Variants in ASTN2 observed in about 807,000 individuals in gnomAD.
ASTN2 encodes the protein astrotactin-2.
Under a neutral mutation model 139.8 loss-of-function variants are expected in ASTN2, and 54 were observed. The observed-to-expected ratio is 0.39, with a 90% CI of 0.31 to 0.48. The LOEUF (loss-of-function observed/expected upper bound fraction) is 0.48. Among genes scored for constraint, ASTN2 ranks in the 20% least tolerant of loss-of-function variants. ASTN2 has a pLI of 0.95. For missense variants in ASTN2, 1,565 were observed against 1,725.1 expected (o/e 0.91, Z 1.64); for synonymous variants, 756 against 719.5 (o/e 1.05, Z -0.81).
At chr9:116,740,461 T>C (rs923203832) in intron 13 of ASTN2, among the ~76,000 whole-genome samples, 3 of 152,164 alleles carry the variant, frequency 2.0e-5, no homozygotes, top group Non-Finnish European at 2.9e-5. Flanking sequence ...ATGGGGATAA[T>C]GAGTTCAGCT....
intron 1 of ASTN2, among the ~76,000 whole-genome samples, chr9:117,311,424 C>T (rs1397061010): frequency 7.2e-5 from 11 of 152,068 alleles, no homozygotes; most frequent in African/African-American, 2.7e-4. Flanking sequence ...AGGACCCAGC[C>T]CAAAGTGAAA....
chr9:117,412,817 G>A (rs1831205281), intron 1 of ASTN2, among the ~76,000 whole-genome samples: 1 of 152,188 alleles, frequency 6.6e-6, no homozygotes, highest in Non-Finnish European at 1.5e-5. Context: ...CTTCCCCACG[G>A]GGAGGTGGCA....
intron 19 of ASTN2, among the ~76,000 whole-genome samples, chr9:116,497,416 C>T (rs1445544729): frequency 6.6e-6 from 1 of 152,128 alleles, no homozygotes; most frequent in Non-Finnish European, 1.5e-5. Context: ...CAGCTCTGAC[C>T]CACAGGAACA....
intron 5 of ASTN2, among the ~76,000 whole-genome samples, chr9:117,056,691 C>G (rs1253267379): frequency 2.6e-5 from 4 of 152,206 alleles, no homozygotes; most frequent in African/African-American, 9.7e-5. Context: ...GCACCTCTCC[C>G]TGGAAGCCCC....
intron 2 of ASTN2, among the ~76,000 whole-genome samples, chr9:117,262,787 A>T (rs1833855242): frequency 6.6e-6 from 1 of 152,174 alleles, no homozygotes; most frequent in Non-Finnish European, 1.5e-5. Flanking sequence ...GAAGGACCTA[A>T]TGTAATCATA....
At chr9:117,006,126 G>A (rs1837347185) in intron 7 of ASTN2, among the ~76,000 whole-genome samples, 1 of 152,088 alleles carries the variant, frequency 6.6e-6, no homozygotes, top group African/African-American at 2.4e-5. Flanking sequence ...AGTATCCCAT[G>A]AAGGGCACAC....
At chr9:116,517,339 A>T (rs1049339640) in intron 19 of ASTN2, among the ~76,000 whole-genome samples, 1 of 151,964 alleles carries the variant, frequency 6.6e-6, no homozygotes, top group African/African-American at 2.4e-5. Flanking sequence ...ACATTACAGG[A>T]CTCTTTGCAG....
chr9:116,629,112 CTTTTTTTTTT>C (rs57200909), intron 17 of ASTN2, among the ~76,000 whole-genome samples: 3 of 100,510 alleles, frequency 3.0e-5, no homozygotes, highest in East Asian at 3.0e-4. Flanking sequence ...TCCAGTAACT[CTTTTTTTTTT>C]TTTTTTTTTT....
chr9:116,777,158 A>G (rs894660814), intron 13 of ASTN2, among the ~76,000 whole-genome samples: 7 of 152,146 alleles, frequency 4.6e-5, no homozygotes, highest in South Asian at 2.1e-4. Context: ...TACTGCTCCA[A>G]GGGTAAGGGC....
intron 10 of ASTN2, among the ~76,000 whole-genome samples, chr9:116,946,052 C>A (rs938934631): frequency 6.6e-6 from 1 of 152,168 alleles, no homozygotes; most frequent in Non-Finnish European, 1.5e-5. Flanking sequence ...GCCACACTTA[C>A]AAATAATCAG....
intron 18 of ASTN2, 34 bp from the exon 19 acceptor site, chr9:116,618,506 C>T: frequency 1.3e-6 from 2 of 1,578,844 alleles, no homozygotes; most frequent in Non-Finnish European, 1.7e-6. Flanking sequence ...TCGTGTTTGG[C>T]AGCCAGCACC....
At chr9:116,620,916 T>C (rs1374154281) in intron 17 of ASTN2, among the ~76,000 whole-genome samples, 3 of 152,220 alleles carry the variant, frequency 2.0e-5, no homozygotes, top group African/African-American at 4.8e-5. Context: ...CTGCCTTTTA[T>C]AGAAGTCTGA....
intron 1 of ASTN2, among the ~76,000 whole-genome samples, chr9:117,405,247 C>A (rs1830949425): frequency 6.6e-6 from 1 of 152,194 alleles, no homozygotes; most frequent in Admixed American, 6.5e-5. Context: ...TTCTATGCAG[C>A]ATGCAAGGCA....
At position 116,868,414 on chromosome 9, in the gene ASTN2, TG is replaced by T. The variant is rs561856533; in HGVS notation, c.1890-4682del. Among the ~76,000 whole-genome samples the T allele has an allele frequency of 9.2e-5, 14 of 152,234 alleles. No individual in the cohort carries two copies. The South Asian group carries it at 2.3e-3, about 25-fold the overall frequency. On this transcript the variant is annotated intron_variant, in intron 10 of 22. Transcript: ENST00000313400. Reference sequence around the variant, plus strand: ...AACTTTAACAACTTACCCTGTGTCTTGGGCAAGTCAGAGCCCTCCTAACAGT... The same window carrying T: ...AACTTTAACAACTTACCCTGTGTCTTGGCAAGTCAGAGCCCTCCTAACAGT...
chr9:117,214,822 C>A (rs778991282), intron 2 of ASTN2, 80 bp from the exon 3 acceptor site: 268 of 1,345,784 alleles, frequency 2.0e-4, no homozygotes, highest in Non-Finnish European at 2.4e-4. Flanking sequence ...CTGTCCACTA[C>A]ACTCTGCCAG....
chr9:117,338,173 T>G (rs1828947361), intron 1 of ASTN2, among the ~76,000 whole-genome samples: 1 of 152,220 alleles, frequency 6.6e-6, no homozygotes, highest in Non-Finnish European at 1.5e-5. Context: ...ATGCATCTAC[T>G]AGTCTTCTAT....
intron 10 of ASTN2, among the ~76,000 whole-genome samples, chr9:116,880,802 G>C (rs1564319992): frequency 6.6e-6 from 1 of 152,112 alleles, no homozygotes; most frequent in East Asian, 1.9e-4. Flanking sequence ...GGACTTACTA[G>C]GTTCTAACTC....
intron 4 of ASTN2, among the ~76,000 whole-genome samples, chr9:117,136,543 G>A (rs1829955243): frequency 6.6e-6 from 1 of 152,144 alleles, no homozygotes; most frequent in Non-Finnish European, 1.5e-5. Context: ...CCCAGTGCAA[G>A]TGACAGAAAA....
intron 1 of ASTN2, among the ~76,000 whole-genome samples, chr9:117,308,252 A>AATCAAT (rs1564138502): frequency 4.9e-5 from 6 of 122,584 alleles, no homozygotes; most frequent in African/African-American, 1.7e-4. Context: ...AATCAATCAA[A>AATCAAT]CAAACAAAAA....
Sources: gnomAD v4.1 joint callset for allele counts (sites outside exome capture counted in the v4.1 genomes callset) on GRCh38, gnomAD v4.1.1 for gene constraint, MANE v1.5 for transcripts, NCBI Gene and HGNC (gene_info 2026-07-23, HGNC 2026-07-21) for gene names.